FOXN2: variants seen among roughly 807,000 people sequenced by gnomAD.
FOXN2 encodes forkhead box N2, also known as forkhead box protein N2.
Under a neutral mutation model 41.2 loss-of-function variants are expected in FOXN2, and 19 were observed. The observed-to-expected ratio is 0.46, with a 90% CI of 0.32 to 0.68. FOXN2 has a LOEUF of 0.68. FOXN2 is among the 30% of genes least tolerant of loss of function. The pLI, the probability that FOXN2 is intolerant of heterozygous loss-of-function variation, is 0.03. For missense variants in FOXN2, 587 were observed against 509.4 expected, an observed-to-expected ratio of 1.15 and a Z score of -1.47; for synonymous variants, 195 against 176.8, an observed-to-expected ratio of 1.10 and a Z score of -0.82.
chr2:48,359,379 C>A (rs1672023791), intron 4 of FOXN2, among the ~76,000 whole-genome samples: 1 of 152,068 alleles, frequency 6.6e-6, no homozygotes, highest in Non-Finnish European at 1.5e-5. Context: ...CTGCAACCTC[C>A]CTCTCCTGGG....
rs202211062 is a variant in FOXN2, at chr2:48,340,382, A to G, written c.-14-5819A>G. On this transcript the variant is annotated intron_variant, in intron 2 of 6. Transcript: ENST00000340553. ...AAATGCTCTCCTATGACCTTTTGGG[A>G]AATGATCAGAGAATTCCAATACATA... Among the ~76,000 whole-genome samples the G allele has an allele frequency of 2.0e-5, 3 of 152,210 alleles. No individual in the cohort carries two copies. The East Asian group carries it at 5.8e-4, about 29-fold the overall frequency.
rs535294267 is a variant in FOXN2, at chr2:48,378,688, AT to A, written c.*3260del. On this transcript the variant is annotated 3_prime_UTR_variant, in exon 7 of 7. Coordinates refer to ENST00000340553, the MANE Select transcript of FOXN2 (RefSeq NM_002158.4). ...ATATATCTTACAGGTGTTTTTTTGT[AT>A]TTTTTTTTTTTTTTAGTTTGAAATG... The A allele has an allele frequency of 0.069, 9,538 of 138,166 alleles. 296 individuals carry two copies. Among genetic ancestry groups the A allele is most frequent in the African/African-American group, 0.078 (2,965 of 37,884 alleles). The allele number at this position is 138,166 out of a possible 1,614,324, so 8.6% of individuals were successfully genotyped here. A position where few individuals can be genotyped will look rare whatever the true frequency, so the allele number is the denominator to read the frequency against.
chr2:48,349,989 C>G (rs1478498333), intron 3 of FOXN2, among the ~76,000 whole-genome samples: 1 of 152,234 alleles, frequency 6.6e-6, no homozygotes, highest in Non-Finnish European at 1.5e-5. Flanking sequence ...CTAGCTAGGT[C>G]TTTTTCCACT....
At chr2:48,344,006 T>C (rs1349890032) in intron 2 of FOXN2, among the ~76,000 whole-genome samples, 1 of 152,192 alleles carries the variant, frequency 6.6e-6, no homozygotes, top group African/African-American at 2.4e-5. Context: ...ACATTAGAAA[T>C]TAATCACTCC....
chr2:48,377,174 T>G lies in FOXN2; in HGVS notation c.*1731T>G, dbSNP rs1450380239. The G allele has an allele frequency of 6.6e-6, 1 of 151,994 alleles. No homozygotes were observed. Among genetic ancestry groups the G allele is most frequent in the African/African-American group, 2.4e-5 (1 of 41,446 alleles). 9.4% of individuals were successfully genotyped at this position (151,994 alleles called of 1,614,324 possible). A position where few individuals can be genotyped will look rare whatever the true frequency, so the allele number is the denominator to read the frequency against. ...TGTCAAAATATAGTAATTTTTAAAT[T>G]TGTTAATAATGAAAACCCTTAAGCA... On this transcript the variant is annotated 3_prime_UTR_variant, in exon 7 of 7. Coordinates refer to ENST00000340553, the MANE Select transcript of FOXN2 (RefSeq NM_002158.4).
chr2:48,342,885 A>G (rs1558623423), intron 2 of FOXN2, among the ~76,000 whole-genome samples: 1 of 152,072 alleles, frequency 6.6e-6, no homozygotes, highest in Non-Finnish European at 1.5e-5. Context: ...TTGGATTAAC[A>G]CTCTGTAACT....
At chr2:48,322,566 T>G (rs919252640) in intron 1 of FOXN2, among the ~76,000 whole-genome samples, 9 of 152,080 alleles carry the variant, frequency 5.9e-5, no homozygotes, top group Non-Finnish European at 1.3e-4. Context: ...AAGCTTGCTT[T>G]CTTTACACCT....
rs565051383 is a variant in FOXN2 at position 48,341,985 on chromosome 2, C to G, written c.-14-4216C>G. 3.3e-5 allele frequency among the ~76,000 whole-genome samples: 5 copies of G among 152,220 alleles called. No homozygotes were observed. In the East Asian group the frequency reaches 9.6e-4, roughly 29 times the overall value. Reference sequence around the variant, plus strand: ...TTGAGCTCTCTGATAAGTCCATGACCTTTTTAAGATTTGATTTTTGTGTGT... The same window carrying G: ...TTGAGCTCTCTGATAAGTCCATGACGTTTTTAAGATTTGATTTTTGTGTGT... On this transcript the variant is annotated intron_variant, in intron 2 of 6. Transcript: ENST00000340553.
chr2:48,314,556 G>A (rs955854421), upstream of FOXN2: 3 of 152,242 alleles, frequency 2.0e-5, no homozygotes, highest in Admixed American at 2.0e-4. Context: ...CCTCGGGGTC[G>A]CGGGAGGCGG....
At chr2:48,342,901 G>T (rs1670868131) in intron 2 of FOXN2, among the ~76,000 whole-genome samples, 1 of 152,022 alleles carries the variant, frequency 6.6e-6, no homozygotes, top group Non-Finnish European at 1.5e-5. Flanking sequence ...TAACTCTTTG[G>T]CATATTTTGC....
At chr2:48,373,244 C>T (rs1223132125) in intron 5 of FOXN2, 48 bp from the exon 6 acceptor site, 3 of 1,316,086 alleles carry the variant, frequency 2.3e-6, no homozygotes, top group Non-Finnish European at 3.2e-6. Context: ...CTTAGAATAG[C>T]CTCTCCTTTA....
At chr2:48,370,551 C>T (rs1259265363) in intron 5 of FOXN2, among the ~76,000 whole-genome samples, 2 of 152,146 alleles carry the variant, frequency 1.3e-5, no homozygotes, top group Non-Finnish European at 2.9e-5. Context: ...ACTCTATTTC[C>T]CTTTCCTCTT....
intron 5 of FOXN2, among the ~76,000 whole-genome samples, chr2:48,369,350 C>G (rs938885673): frequency 2.0e-5 from 3 of 151,992 alleles, no homozygotes; most frequent in African/African-American, 7.3e-5. Context: ...CCAGCCTGAC[C>G]AACATGATGA....
chr2:48,363,210 G>T lies in FOXN2; in HGVS notation c.703+503G>T, dbSNP rs187368789. Among the ~76,000 whole-genome samples the T allele has an allele frequency of 6.8e-3, 1,030 of 152,100 alleles. 77 individuals carry two copies. Among genetic ancestry groups the T allele is most frequent in the Admixed American group, 0.061 (936 of 15,276 alleles). On this transcript the variant is annotated intron_variant, in intron 5 of 6. Transcript: ENST00000340553. ...AGACAGTGATATTGATCTTGACCCTGTGTATGCTCAGGTTAATGTGTGTAT... is the reference window on the plus strand; with the variant it reads ...AGACAGTGATATTGATCTTGACCCTTTGTATGCTCAGGTTAATGTGTGTAT...
chr2:48,372,504 AATT>A (rs1197595487), intron 5 of FOXN2, among the ~76,000 whole-genome samples: 1 of 152,136 alleles, frequency 6.6e-6, no homozygotes, highest in Non-Finnish European at 1.5e-5. Context: ...TAACTTTTCT[AATT>A]ATTAATGGTG....
chr2:48,359,597 TTTTTC>T (rs748844988), intron 4 of FOXN2, among the ~76,000 whole-genome samples: 41 of 148,462 alleles, frequency 2.8e-4, no homozygotes, highest in Middle Eastern at 3.4e-3. Context: ...CTCGGCCTGT[TTTTTC>T]TTTTCTTTTC....
At chr2:48,360,454 A>G (rs1042063141) in intron 4 of FOXN2, among the ~76,000 whole-genome samples, 4 of 152,204 alleles carry the variant, frequency 2.6e-5, no homozygotes, top group African/African-American at 7.2e-5. Flanking sequence ...TTCTTAAAGT[A>G]TTGTTAGATA....
rs13396735 is a variant in FOXN2 at position 48,324,646 on chromosome 2, G to A, written c.-156-3915G>A. 7.4e-3 allele frequency among the ~76,000 whole-genome samples: 1,128 copies of A among 152,184 alleles called. 20 individuals are homozygous for A. Among genetic ancestry groups the A allele is most frequent in the African/African-American group, 0.026 (1,072 of 41,506 alleles). On this transcript the variant is annotated intron_variant, in intron 1 of 6. Transcript: ENST00000340553. ...AGCAAGTTAGAGCCAGGTTGTGCTT[G>A]CTTTTGAAGTACTCTGCTTAGGGAT...
intron 2 of FOXN2, among the ~76,000 whole-genome samples, chr2:48,342,001 T>C (rs1256708101): frequency 6.6e-6 from 1 of 152,192 alleles, no homozygotes; most frequent in African/African-American, 2.4e-5. Context: ...AAGATTTGAT[T>C]TTTGTGTGTG....
Sources: gnomAD v4.1 joint callset for allele counts (sites outside exome capture counted in the v4.1 genomes callset) on GRCh38, gnomAD v4.1.1 for gene constraint, MANE v1.5 for transcripts, NCBI Gene and HGNC (gene_info 2026-07-23, HGNC 2026-07-21) for gene names.